RABGAP1: variants seen among roughly 807,000 people sequenced by gnomAD.
The protein encoded by RABGAP1 is RAB GTPase activating protein 1.
Under a neutral mutation model 137.6 loss-of-function variants are expected in RABGAP1, and 23 were observed. The ratio of observed to expected loss-of-function variants is 0.17; its 90% CI spans 0.12 to 0.24. The LOEUF is 0.24. Among genes scored for constraint, RABGAP1 ranks in the 10% least tolerant of loss-of-function variants. The probability of loss-of-function intolerance (pLI) is 1.00; values close to 1 mark genes in which losing one functional copy is unlikely to be tolerated. For synonymous variants in RABGAP1, 451 were observed against 450.7 expected, an observed-to-expected ratio of 1.00 and a Z score of -0.01; for missense variants, 906 against 1,275.8, an observed-to-expected ratio of 0.71 and a Z score of 4.42.
chr9:122,957,615 T>C (rs985204509), intron 2 of RABGAP1, among the ~76,000 whole-genome samples: 1 of 152,194 alleles, frequency 6.6e-6, no homozygotes, highest in Non-Finnish European at 1.5e-5. Flanking sequence ...CTGGCCATTT[T>C]TTTTTTTATA....
intron 1 of RABGAP1, 88 bp from the exon 2 acceptor site, chr9:122,956,923 A>T (rs1004471539): frequency 4.5e-6 from 3 of 670,728 alleles, no homozygotes; most frequent in Non-Finnish European, 6.3e-6. Flanking sequence ...TTAAAAAAAA[A>T]TTCTGAATAT....
chr9:123,085,567 T>G (rs547162597), intron 19 of RABGAP1, among the ~76,000 whole-genome samples: 41 of 152,364 alleles, frequency 2.7e-4, no homozygotes, highest in African/African-American at 7.2e-4. Flanking sequence ...ATACCTCTGT[T>G]TGAAGCTGTG....
rs1478273976 is a variant in RABGAP1 at position 123,103,600 on chromosome 9, T to C, written c.*387T>C. On this transcript the variant is annotated 3_prime_UTR_variant, in exon 26 of 26. Coordinates refer to ENST00000373647, the MANE Select transcript of RABGAP1 (RefSeq NM_012197.4). The stretch of plus-strand genomic sequence containing the variant: ...TTTTTTTAATATACATATATATATA[T>C]ATATATATATATATATATATATATA... 8.6e-4 allele frequency: 42 copies of C among 48,716 alleles called. 1 individual carries two copies. In the African/African-American group the frequency reaches 9.1e-3, roughly 11 times the overall value. 3.0% of individuals were successfully genotyped at this position (48,716 alleles called of 1,614,324 possible). A position where few individuals can be genotyped will look rare whatever the true frequency, so the allele number is the denominator to read the frequency against.
intron 12 of RABGAP1, among the ~76,000 whole-genome samples, chr9:123,019,182 G>T (rs553624714): frequency 2.0e-4 from 31 of 152,304 alleles, no homozygotes; most frequent in African/African-American, 7.2e-4. Context: ...TCGATAACTT[G>T]TAGTGATATA....
intron 3 of RABGAP1, among the ~76,000 whole-genome samples, chr9:122,985,770 A>C (rs1027795438): frequency 6.6e-6 from 1 of 152,206 alleles, no homozygotes; most frequent in Non-Finnish European, 1.5e-5. Flanking sequence ...GACCGACTCT[A>C]ATAGCACTAT....
chr9:122,989,732 A>G, intron 5 of RABGAP1: 2 of 523,504 alleles, frequency 3.8e-6, no homozygotes, highest in Non-Finnish European at 6.7e-6. Context: ...TGGTTCTAAC[A>G]TTGACAGATT....
At chr9:123,043,963 C>T (rs1417330706) in intron 13 of RABGAP1, among the ~76,000 whole-genome samples, 12 of 148,278 alleles carry the variant, frequency 8.1e-5, no homozygotes, top group Non-Finnish European at 1.2e-4. Flanking sequence ...TGCAATGGCG[C>T]GATCTCGGCT....
chr9:123,052,947 A>G (rs1462805787), intron 13 of RABGAP1, among the ~76,000 whole-genome samples: 1 of 152,152 alleles, frequency 6.6e-6, no homozygotes, highest in East Asian at 1.9e-4. Context: ...CTCAAAAACA[A>G]AACAAAATGA....
intron 14 of RABGAP1, among the ~76,000 whole-genome samples, chr9:123,066,287 A>C (rs886532274): frequency 1.3e-5 from 2 of 152,214 alleles, no homozygotes; most frequent in South Asian, 2.1e-4. Context: ...ACTTTTACAT[A>C]GGATACAGAT....
chr9:123,023,800 A>G (rs1042345903), intron 13 of RABGAP1, among the ~76,000 whole-genome samples: 1 of 152,228 alleles, frequency 6.6e-6, no homozygotes, highest in Non-Finnish European at 1.5e-5. Context: ...ACTAATTTCT[A>G]TAAAGTATTT....
chr9:123,009,409 C>T (rs565879058), intron 10 of RABGAP1, among the ~76,000 whole-genome samples: 1 of 152,298 alleles, frequency 6.6e-6, no homozygotes, highest in South Asian at 2.1e-4. Context: ...ATTTCTATAG[C>T]TCATGAACAT....
intron 2 of RABGAP1, among the ~76,000 whole-genome samples, chr9:122,959,808 G>C (rs1415002293): frequency 6.6e-6 from 1 of 152,116 alleles, no homozygotes; most frequent in Non-Finnish European, 1.5e-5. Context: ...CCTGTTTCTG[G>C]CCAAGTGTGA....
intron 1 of RABGAP1, among the ~76,000 whole-genome samples, chr9:122,951,002 T>G (rs1834215969): frequency 6.6e-6 from 1 of 152,156 alleles, no homozygotes; most frequent in Admixed American, 6.5e-5. Flanking sequence ...AAGAAATAAT[T>G]CTTTGGGTTG....
chr9:123,000,255 TCTTAAATCGGGCAGTTAA>T (rs1837249269), intron 10 of RABGAP1, among the ~76,000 whole-genome samples: 2 of 152,174 alleles, frequency 1.3e-5, no homozygotes, highest in Non-Finnish European at 2.9e-5. Flanking sequence ...TTTTTTTTTT[TCTTAAATCGGGCAGTTAA>T]CTTGATCAAA....
At chr9:123,051,048 T>G (rs1241691950) in intron 13 of RABGAP1, among the ~76,000 whole-genome samples, 2 of 151,564 alleles carry the variant, frequency 1.3e-5, no homozygotes, top group Non-Finnish European at 2.9e-5. Context: ...GATCTAAAAA[T>G]ATATCTATCT....
intron 19 of RABGAP1, among the ~76,000 whole-genome samples, chr9:123,085,543 C>A (rs954875113): frequency 6.6e-6 from 1 of 152,142 alleles, no homozygotes; most frequent in Non-Finnish European, 1.5e-5. Context: ...ATTTAATTTT[C>A]TTTGAGGGCA....
intron 13 of RABGAP1, among the ~76,000 whole-genome samples, chr9:123,051,450 T>C (rs1207899070): frequency 6.6e-6 from 1 of 151,648 alleles, no homozygotes; most frequent in East Asian, 1.9e-4. Flanking sequence ...TTTCTCCACG[T>C]TGATCAGACT....
rs148600789 is a variant in RABGAP1, at chr9:122,993,460, C to T, written c.924-2581C>T. On this transcript the variant is annotated intron_variant, in intron 6 of 25. Transcript: ENST00000373647. The stretch of plus-strand genomic sequence containing the variant: ...CTACTTTTTGTACTTTTAGTAGAGA[C>T]GGGGTTTCACCATGTTGGCCAGGCT... Among the ~76,000 whole-genome samples the T allele has an allele frequency of 2.1e-4, 32 of 152,146 alleles. No individual in the cohort carries two copies. In the East Asian group the frequency reaches 5.6e-3, roughly 27 times the overall value.
intron 13 of RABGAP1, among the ~76,000 whole-genome samples, chr9:123,028,088 C>T (rs2032084299): frequency 6.6e-6 from 1 of 152,180 alleles, no homozygotes; most frequent in Non-Finnish European, 1.5e-5. Context: ...GTTAAAATTG[C>T]TATTTGACAG....
Sources: allele counts gnomAD v4.1 joint callset (sites outside exome capture counted in the v4.1 genomes callset), GRCh38; gene constraint gnomAD v4.1.1; transcripts MANE v1.5; gene names NCBI Gene and HGNC (gene_info 2026-07-23, HGNC 2026-07-21).